The following PTP4A2 variants were observed in gnomAD, a reference collection of about 807,000 sequenced individuals.
PTP4A2 encodes the protein protein tyrosine phosphatase 4A2.
PTP4A2 carries 2 observed loss-of-function variants against 22.9 expected under a neutral mutation model. That is an observed-to-expected ratio of 0.09 (90% CI 0.04 to 0.27). The LOEUF (loss-of-function observed/expected upper bound fraction) is 0.27, where lower values mean the gene tolerates loss of function less well. PTP4A2 is among the 10% of genes least tolerant of loss of function. The probability of loss-of-function intolerance (pLI) is 1.00; values close to 1 mark genes in which losing one functional copy is unlikely to be tolerated. For synonymous variants in PTP4A2, 68 were observed against 69.1 expected (o/e 0.98, Z 0.08); for missense variants, 103 against 205.1 (o/e 0.50, Z 3.04).
At chr1:31,933,145 G>C (rs1652792679) in intron 1 of PTP4A2, 1 of 152,214 alleles carries the variant, frequency 6.6e-6, no homozygotes, top group African/African-American at 2.4e-5. Flanking sequence ...GGAACTACAG[G>C]TTCATACCAC....
At chr1:31,922,637 T>TC (rs1553211660) in intron 1 of PTP4A2, among the ~76,000 whole-genome samples, 24 of 145,950 alleles carry the variant, frequency 1.6e-4, no homozygotes, top group African/African-American at 4.5e-4. Context: ...TTTCTTTCTT[T>TC]TATTTATTTT....
intron 1 of PTP4A2, among the ~76,000 whole-genome samples, chr1:31,936,813 A>G (rs2124286876): frequency 6.6e-6 from 1 of 152,290 alleles, no homozygotes; most frequent in East Asian, 1.9e-4. Flanking sequence ...GCAAGGCATA[A>G]CTTCACTCAC....
Position 31,911,793 on chromosome 1 carries a change from T to C in PTP4A2, c.223A>G (p.Asn75Asp). The change falls in exon 4 of 6, where the codon AAT becomes GAT. Residue 75 changes from asparagine to aspartate, a missense_variant. Around this residue, in one of 3 missense-constraint regions of PTP4A2, gnomAD observed 66 missense variants for 113.0 expected, o/e 0.58. Transcript: ENST00000647444. ...TTTAACCAATCATCTACTATCTGAT[T>C]AGGGGGTGGAGCTCCATCATCAAAT... is the stretch of plus-strand genomic sequence containing the variant. ...WPFDDGAPPP[N>D]QIVDDWLNLL... 6.3e-7 allele frequency: 1 copy of C among 1,592,838 alleles called. No homozygotes were observed. The highest frequency in any genetic ancestry group is 8.5e-7 in the Non-Finnish European group (1 of 1,172,994).
At position 31,908,157 on chromosome 1, in the gene PTP4A2, TA is replaced by T. The variant is rs1651313686; in HGVS notation, c.*694del. 1 of 3,118 alleles carries T rather than the reference TA, an allele frequency of 3.2e-4. No individual in the cohort carries two copies. The highest frequency in any genetic ancestry group is 1.4e-3 in the African/African-American group (1 of 738). 0.2% of individuals were successfully genotyped at this position (3,118 alleles called of 1,614,324 possible). The stretch of plus-strand genomic sequence containing the variant: ...ATATTATATTATATATATATATATA[TA>T]TATATATATATATATATATATATAT... On this transcript the variant is annotated 3_prime_UTR_variant, in exon 6 of 6. Transcript: ENST00000647444.
intron 1 of PTP4A2, among the ~76,000 whole-genome samples, chr1:31,926,135 TAA>T (rs138462840): frequency 1.5e-4 from 18 of 120,570 alleles, no homozygotes; most frequent in East Asian, 2.1e-4. Context: ...TTCAAAAAAT[TAA>T]AAAAAAAAAA....
rs1327473734 is a variant in PTP4A2, at chr1:31,936,009, G to A, written c.-594+1978C>T. On this transcript the variant is annotated intron_variant, in intron 1 of 5. Transcript: ENST00000647444. ...TCACCATGTTACCCAGGCTGGTCTCGAACTCCTGGGCTCAAGCGATCCTCC... is the reference window on the plus strand; with the variant it reads ...TCACCATGTTACCCAGGCTGGTCTCAAACTCCTGGGCTCAAGCGATCCTCC... 7.2e-5 allele frequency among the ~76,000 whole-genome samples: 11 copies of A among 151,840 alleles called. 1 individual carries two copies. In the South Asian group the frequency reaches 2.3e-3, roughly 32 times the overall value.
chr1:31,908,762 G>T lies in PTP4A2; in HGVS notation c.*90C>A. The T allele has an allele frequency of 1.1e-6, 1 of 883,808 alleles. No homozygotes were observed. The highest frequency in any genetic ancestry group is 1.9e-6 in the Non-Finnish European group (1 of 538,212). The allele number at this position is 883,808 out of a possible 1,614,324, so 54.7% of individuals were successfully genotyped here. ...GTACTGAATCCATCACTACTTTGAT[G>T]ACACAGGTAATATTCCAGATTCACA... On this transcript the variant is annotated 3_prime_UTR_variant, in exon 6 of 6. Coordinates refer to ENST00000647444, the MANE Select transcript of PTP4A2 (RefSeq NM_080391.4).
intron 3 of PTP4A2, among the ~76,000 whole-genome samples, chr1:31,912,734 A>T (rs1222685276): frequency 6.6e-6 from 1 of 152,166 alleles, no homozygotes; most frequent in Admixed American, 6.5e-5. Context: ...GAATTTTTTT[A>T]AAAACATAAG....
rs760763673 is a variant in PTP4A2 at position 31,906,669 on chromosome 1, C to G, written c.*2183G>C. ...ATGTTGCTTTATACATCCTTCTCCT[C>G]AATACAGAACCAGGAATGTAATTTT... is the stretch of plus-strand genomic sequence containing the variant. On this transcript the variant is annotated 3_prime_UTR_variant, in exon 6 of 6. Coordinates refer to ENST00000647444, the MANE Select transcript of PTP4A2 (RefSeq NM_080391.4). 7.2e-5 allele frequency: 11 copies of G among 151,970 alleles called. No homozygotes were observed. Among genetic ancestry groups the G allele is most frequent in the Non-Finnish European group, 1.5e-4 (10 of 68,000 alleles). The allele number at this position is 151,970 out of a possible 1,614,324, so 9.4% of individuals were successfully genotyped here. A position where few individuals can be genotyped will look rare whatever the true frequency, so the allele number is the denominator to read the frequency against.
At chr1:31,934,815 T>C (rs1291554721) in intron 1 of PTP4A2, among the ~76,000 whole-genome samples, 6 of 152,200 alleles carry the variant, frequency 3.9e-5, no homozygotes, top group Admixed American at 3.9e-4. Flanking sequence ...GTAAATGGTT[T>C]CTGCCTATAA....
intron 2 of PTP4A2, among the ~76,000 whole-genome samples, chr1:31,916,934 GCTT>G (rs1313339077): frequency 2.6e-5 from 4 of 152,186 alleles, no homozygotes; most frequent in African/African-American, 9.6e-5. Context: ...AAATAAACAT[GCTT>G]TTTTTAAAGA....
At chr1:31,920,807 GGATTACAGGCGTGAACTACTGC>G (rs1483438459) in intron 1 of PTP4A2, among the ~76,000 whole-genome samples, 2 of 151,948 alleles carry the variant, frequency 1.3e-5, no homozygotes, top group Non-Finnish European at 2.9e-5. Context: ...CAAAGTGCTG[GGATTACAGGCGTGAACTACTGC>G]GCCTGGCCCA....
Position 31,938,168 on chromosome 1 carries a change from C to T in PTP4A2, c.-775G>A, listed in dbSNP as rs929147499. The T allele has an allele frequency of 2.7e-5, 4 of 149,330 alleles. No homozygotes were observed. Among genetic ancestry groups the T allele is most frequent in the African/African-American group, 9.8e-5 (4 of 40,878 alleles). 9.3% of individuals were successfully genotyped at this position (149,330 alleles called of 1,614,324 possible). ...CCCGGCGGCGGCGGCGGCGGCGCGT[C>T]TCCACGAGTCCGTCTTGCTGCTGCT... On this transcript the variant is annotated 5_prime_UTR_variant, in exon 1 of 6. Transcript: ENST00000647444. This position sits in a 1 kb window ranked among gnomAD's most constrained non-coding sequence, Gnocchi z 4.4.
At chr1:31,916,381 CT>C (rs1557862966) in intron 2 of PTP4A2, among the ~76,000 whole-genome samples, 41 of 127,738 alleles carry the variant, frequency 3.2e-4, no homozygotes, top group African/African-American at 1.1e-3. Flanking sequence ...AAGAAATCTA[CT>C]ATTATAAATT....
intron 1 of PTP4A2, among the ~76,000 whole-genome samples, chr1:31,937,114 AACAG>A (rs1036105456): frequency 2.0e-4 from 31 of 152,320 alleles, no homozygotes; most frequent in Admixed American, 1.7e-3. Context: ...GATTTTGGGC[AACAG>A]ACAAACTTCT....
intron 1 of PTP4A2, among the ~76,000 whole-genome samples, chr1:31,932,464 C>A (rs1652764321): frequency 6.6e-6 from 1 of 152,114 alleles, no homozygotes; most frequent in Non-Finnish European, 1.5e-5. Flanking sequence ...TAGTTTAGGC[C>A]ACTTAAAATG....
chr1:31,936,053 T>C (rs893444844), intron 1 of PTP4A2, among the ~76,000 whole-genome samples: 1 of 151,190 alleles, frequency 6.6e-6, no homozygotes, highest in Non-Finnish European at 1.5e-5. Flanking sequence ...CCTCCCAAAG[T>C]GCTAGGATTA....
In PTP4A2 at chr1:31,919,460, T is replaced by A. The variant is rs569074575; in HGVS notation, c.-395A>T. ...TTTACTGGAGTCATTAAAAGAAATA[T>A]GCTTGCAATTAAAAAAAAAAAAAGC... On this transcript the variant is annotated 5_prime_UTR_variant, in exon 2 of 6. Coordinates refer to ENST00000647444, the MANE Select transcript of PTP4A2 (RefSeq NM_080391.4). The A allele has an allele frequency of 6.6e-6, 1 of 152,206 alleles. No individual in the cohort carries two copies. The highest frequency in any genetic ancestry group is 1.5e-5 in the Non-Finnish European group (1 of 68,322). 9.4% of individuals were successfully genotyped at this position (152,206 alleles called of 1,614,324 possible). A position where few individuals can be genotyped will look rare whatever the true frequency, so the allele number is the denominator to read the frequency against.
chr1:31,907,395 C>T lies in PTP4A2; in HGVS notation c.*1457G>A, dbSNP rs1651229648. The T allele has an allele frequency of 6.6e-6, 1 of 152,138 alleles. No individual in the cohort carries two copies. Among genetic ancestry groups the T allele is most frequent in the Non-Finnish European group, 1.5e-5 (1 of 68,022 alleles). 9.4% of individuals were successfully genotyped at this position (152,138 alleles called of 1,614,324 possible). On this transcript the variant is annotated 3_prime_UTR_variant, in exon 6 of 6. Coordinates refer to ENST00000647444, the MANE Select transcript of PTP4A2 (RefSeq NM_080391.4). ...ACAAAGGAGCAGAAAAACAGCTTTT[C>T]TAGATCAGTACACTAAACCCAGCCA...
Sources: allele counts gnomAD v4.1 joint callset (sites outside exome capture counted in the v4.1 genomes callset), GRCh38; gene constraint gnomAD v4.1.1; regional missense constraint gnomAD v4.1.1; non-coding constraint Gnocchi (gnomAD v3.1); transcripts MANE v1.5; gene names NCBI Gene and HGNC (gene_info 2026-07-23, HGNC 2026-07-21).